The following PRKCH variants were observed in gnomAD, a reference collection of about 807,000 sequenced individuals.
PRKCH encodes the protein protein kinase C eta.
PRKCH carries 28 observed loss-of-function variants against 82.5 expected under a neutral mutation model. The observed-to-expected ratio is 0.34, with a 90% confidence interval of 0.25 to 0.47. The LOEUF is 0.47. Among genes scored for constraint, PRKCH ranks in the 20% least tolerant of loss-of-function variants. The pLI is 1.00. For missense variants in PRKCH, 705 were observed against 881.8 expected (o/e 0.80, Z 2.54); for synonymous variants, 322 against 327.4 (o/e 0.98, Z 0.18).
Position 61,457,744 on chromosome 14 carries a change from A to T in PRKCH, c.1278+65A>T, listed in dbSNP as rs141116811. On this transcript the variant is annotated intron_variant, in intron 9 of 13. Transcript: ENST00000332981. ...TCTTACAGAGCTGAGACAGTAAGAT[A>T]CTGGAGATTTCATAAAGTTGAGTAT... 3.2e-4 allele frequency: 494 copies of T among 1,564,208 alleles called. 1 individual carries two copies. The African/African-American group carries it at 5.7e-3, about 18-fold the overall frequency.
chr14:61,444,729 CA>C (rs1227054942), intron 3 of PRKCH, among the ~76,000 whole-genome samples: 1 of 152,200 alleles, frequency 6.6e-6, no homozygotes, highest in Non-Finnish European at 1.5e-5. Flanking sequence ...GTGACTTAGT[CA>C]AGTTGCGTAG....
chr14:61,332,467 A>G (rs1172323584), intron 1 of PRKCH, among the ~76,000 whole-genome samples: 1 of 152,256 alleles, frequency 6.6e-6, no homozygotes, highest in Non-Finnish European at 1.5e-5. Flanking sequence ...TGCTTTTATT[A>G]TGTACTGCCT....
chr14:61,453,340 T>C lies in PRKCH; in HGVS notation c.947T>C (p.Ile316Thr). 1.2e-6 allele frequency: 2 copies of C among 1,613,174 alleles called. No homozygotes were observed. The highest frequency in any genetic ancestry group is 1.7e-6 in the Non-Finnish European group (2 of 1,179,464). The change falls in exon 7 of 14, where the codon ATT (isoleucine) becomes ACT (threonine). Residue 316 changes from isoleucine (I) to threonine (T), a missense_variant. Coordinates refer to ENST00000332981, the MANE Select transcript of PRKCH (RefSeq NM_006255.5). ...LAGMGLQPGNISPTSKLVSRS... is the reference protein window; with the variant it reads ...LAGMGLQPGNTSPTSKLVSRS... The stretch of plus-strand genomic sequence containing the variant: ...GGGATGGGTCTCCAACCCGGAAATA[T>C]TTCTCCAACCTCGGTGAGACTTTGC...
chr14:61,516,705 G>A (rs2042833982), intron 10 of PRKCH, among the ~76,000 whole-genome samples: 1 of 152,122 alleles, frequency 6.6e-6, no homozygotes, highest in South Asian at 2.1e-4. Flanking sequence ...ACTATGATGT[G>A]AGTCCAGTAT....
intron 1 of PRKCH, among the ~76,000 whole-genome samples, chr14:61,231,124 G>C (rs1365293913): frequency 6.6e-6 from 1 of 152,208 alleles, no homozygotes; most frequent in Non-Finnish European, 1.5e-5. Context: ...GACTGGATGA[G>C]ATCTCTCCAA....
At chr14:61,334,050 T>C (rs1274206553) in intron 1 of PRKCH, among the ~76,000 whole-genome samples, 1 of 152,158 alleles carries the variant, frequency 6.6e-6, no homozygotes, top group African/African-American at 2.4e-5. Context: ...CTGAGCTGAA[T>C]GGAGACTGTC....
At chr14:61,231,046 A>G (rs2044738913) in intron 1 of PRKCH, among the ~76,000 whole-genome samples, 1 of 152,234 alleles carries the variant, frequency 6.6e-6, no homozygotes, top group African/African-American at 2.4e-5. Flanking sequence ...TTCCAAGTTC[A>G]AGGGCAGGAA....
At chr14:61,456,870 A>G (rs1247110784) in intron 7 of PRKCH, 1 of 235,736 alleles carries the variant, frequency 4.2e-6, no homozygotes, top group Non-Finnish European at 8.4e-6. Flanking sequence ...AAGCCACCGC[A>G]GAAGGCACCC....
In PRKCH at chr14:61,356,165, C is replaced by T. The variant is rs558469178; in HGVS notation, c.363+33701C>T. ...GGAAGTGGAGGGGGGTGGCAGGGAA[C>T]AGGAGGGTGACCTTACATTTCCATT... On this transcript the variant is annotated intron_variant, in intron 1 of 13. Coordinates refer to ENST00000332981, the MANE Select transcript of PRKCH (RefSeq NM_006255.5). 2.0e-5 allele frequency among the ~76,000 whole-genome samples: 3 copies of T among 152,246 alleles called. No homozygotes were observed. The South Asian group carries it at 6.2e-4, about 32-fold the overall frequency.
intron 1 of PRKCH, chr14:61,361,097 T>C (rs1013849917): frequency 6.6e-6 from 1 of 152,238 alleles, no homozygotes; most frequent in African/African-American, 2.4e-5. Flanking sequence ...GGGATATTTT[T>C]TGGATTATGG....
rs372270502 is a variant in PRKCH at position 61,550,770 on chromosome 14, T to G, written c.*939T>G. ...TCATCACTGAAGAATTGCAGGCCAC[T>G]CATGTCAGTGACCAGATTTGTGGCT... On this transcript the variant is annotated 3_prime_UTR_variant, in exon 14 of 14. Transcript: ENST00000332981. 5.9e-5 allele frequency: 9 copies of G among 152,388 alleles called. No homozygotes were observed. The highest frequency in any genetic ancestry group is 2.2e-4 in the African/African-American group (9 of 41,582). 9.4% of individuals were successfully genotyped at this position (152,388 alleles called of 1,614,324 possible). A position where few individuals can be genotyped will look rare whatever the true frequency, so the allele number is the denominator to read the frequency against.
At chr14:61,195,191 C>CTG (rs34460570) in intron 1 of PRKCH, among the ~76,000 whole-genome samples, 37,831 of 151,978 alleles carry the variant, frequency 0.25, 5,077 homozygotes, top group Admixed American at 0.37. Flanking sequence ...ACATAGATAT[C>CTG]CTATCAACAC....
chr14:61,219,013 T>C (rs2044635873), intron 1 of PRKCH, among the ~76,000 whole-genome samples: 1 of 152,198 alleles, frequency 6.6e-6, no homozygotes, highest in Non-Finnish European at 1.5e-5. Context: ...TTAGGGGCAA[T>C]GGGAGGCTTC....
intron 1 of PRKCH, among the ~76,000 whole-genome samples, chr14:61,205,429 G>A (rs1447769387): frequency 6.6e-6 from 1 of 152,182 alleles, no homozygotes; most frequent in Non-Finnish European, 1.5e-5. Context: ...AGGGGATGCT[G>A]AGCAACCAGG....
At chr14:61,289,167 A>C (rs1352357135) in intron 1 of PRKCH, among the ~76,000 whole-genome samples, 1 of 152,184 alleles carries the variant, frequency 6.6e-6, no homozygotes. Flanking sequence ...TTAAAACATT[A>C]CTGGGTGAGC....
chr14:61,265,466 G>C (rs2045091212), intron 1 of PRKCH, among the ~76,000 whole-genome samples: 1 of 152,174 alleles, frequency 6.6e-6, no homozygotes, highest in Admixed American at 6.5e-5. Context: ...GCGTGACAGA[G>C]CATAACCTTG....
rs116995425 is a variant in PRKCH, at chr14:61,527,576, A to G, written c.1434-1499A>G. The stretch of plus-strand genomic sequence containing the variant: ...CCCTGGACGGTTTCAGCCTCCCCCA[A>G]CTGATCTTTTCTTGTCCAGCCAGGA... On this transcript the variant is annotated intron_variant, in intron 10 of 13. Transcript: ENST00000332981. 0.021 allele frequency among the ~76,000 whole-genome samples: 3,144 copies of G among 152,150 alleles called. 210 individuals are homozygous for G. In the East Asian group the frequency reaches 0.27, roughly 13 times the overall value.
At chr14:61,219,633 T>C (rs2044640330) in intron 1 of PRKCH, among the ~76,000 whole-genome samples, 1 of 152,240 alleles carries the variant, frequency 6.6e-6, no homozygotes, top group South Asian at 2.1e-4. Flanking sequence ...CTTTATATCT[T>C]AGGGTTTTGT....
intron 1 of PRKCH, chr14:61,322,678 C>G: frequency 3.3e-6 from 2 of 608,186 alleles, no homozygotes; most frequent in South Asian, 2.4e-5. Context: ...GGCCTGGACA[C>G]GATCCCCTTT....
Sources: gnomAD v4.1 joint callset for allele counts (sites outside exome capture counted in the v4.1 genomes callset) on GRCh38, gnomAD v4.1.1 for gene constraint, MANE v1.5 for transcripts, NCBI Gene and HGNC (gene_info 2026-07-23, HGNC 2026-07-21) for gene names.